Variants in EFR3B observed in about 807,000 individuals in gnomAD.
The protein encoded by EFR3B is protein EFR3 homolog B.
In EFR3B, 64 loss-of-function variants were observed where a neutral mutation model predicts 104.7. The observed-to-expected ratio is 0.61, with a 90% CI of 0.50 to 0.75. The LOEUF is 0.75. Among genes scored for constraint, EFR3B ranks in the 30% least tolerant of loss-of-function variants. The pLI is 0.00. For synonymous variants in EFR3B, 385 were observed against 417.9 expected (o/e 0.92, Z 0.96); for missense variants, 750 against 1,078.5 (o/e 0.70, Z 4.27).
At chr2:25,120,627 A>G (rs1408559395) in intron 4 of EFR3B, among the ~76,000 whole-genome samples, 1 of 149,076 alleles carries the variant, frequency 6.7e-6, no homozygotes, top group Non-Finnish European at 1.5e-5. Flanking sequence ...CTGGCGACAG[A>G]GCAAGACTCC....
chr2:25,046,768 G>T (rs1667732356), intron 1 of EFR3B, among the ~76,000 whole-genome samples: 1 of 152,120 alleles, frequency 6.6e-6, no homozygotes, highest in African/African-American at 2.4e-5. Context: ...CTCCCAAAGT[G>T]CTGGGATTAC....
intron 16 of EFR3B, among the ~76,000 whole-genome samples, chr2:25,141,005 C>T (rs1351912004): frequency 7.0e-6 from 1 of 142,674 alleles, no homozygotes; most frequent in Non-Finnish European, 1.5e-5. Flanking sequence ...TGTGCCATTG[C>T]ACTCTAGCCT....
rs182698817 is a variant in EFR3B at position 25,072,193 on chromosome 2, T to C, written c.8-19132T>C. ...CTCTGCGTGTTGGCAGTTGTGGACGTGGGTGGCTGTTACTCAGTGCTTGGG... is the reference window on the plus strand; with the variant it reads ...CTCTGCGTGTTGGCAGTTGTGGACGCGGGTGGCTGTTACTCAGTGCTTGGG... On this transcript the variant is annotated intron_variant, in intron 1 of 22. Transcript: ENST00000403714. Among the ~76,000 whole-genome samples the C allele has an allele frequency of 1.2e-4, 18 of 152,342 alleles. No individual in the cohort carries two copies. The East Asian group carries it at 2.9e-3, about 24-fold the overall frequency.
At chr2:25,052,840 A>G (rs907267355) in intron 1 of EFR3B, among the ~76,000 whole-genome samples, 14 of 152,068 alleles carry the variant, frequency 9.2e-5, no homozygotes, top group Non-Finnish European at 1.9e-4. Flanking sequence ...TTTTATGGGG[A>G]TAAATTTGTC....
At chr2:25,128,487 C>T (rs756440780) in intron 6 of EFR3B, among the ~76,000 whole-genome samples, 155 bp downstream of exon 6, 8 of 152,146 alleles carry the variant, frequency 5.3e-5, no homozygotes, top group Non-Finnish European at 7.4e-5. Flanking sequence ...AGCTGGCTCC[C>T]TAGAAGCCAT....
intron 2 of EFR3B, among the ~76,000 whole-genome samples, chr2:25,092,799 C>A (rs1010104179): frequency 1.3e-5 from 2 of 152,198 alleles, no homozygotes; most frequent in African/African-American, 4.8e-5. Flanking sequence ...CTCAGCCTCC[C>A]AAAGTGCTGG....
rs1671080075 is a variant in EFR3B, at chr2:25,153,755, C to T, written c.2342C>T (p.Thr781Ile). 1 of 1,551,712 alleles carries T rather than the reference C, an allele frequency of 6.4e-7. No homozygotes were observed. The highest frequency in any genetic ancestry group is 2.4e-5 in the East Asian group (1 of 40,924). Residue 781 changes from threonine to isoleucine, a missense_variant, in exon 22 of 23, where the codon ACC (threonine) becomes ATC (isoleucine). Transcript: ENST00000403714. Reference sequence around the variant, plus strand: ...AAACTCAATCAGATCTTTGAAATCACCATCCGGTAAGTGACAACCCTGGGC... The same window carrying T: ...AAACTCAATCAGATCTTTGAAATCATCATCCGGTAAGTGACAACCCTGGGC... Reference protein sequence around the residue: ...QSKLNQIFEITIRPPPSPSGT... With the variant: ...QSKLNQIFEIIIRPPPSPSGT...
intron 4 of EFR3B, among the ~76,000 whole-genome samples, chr2:25,111,740 GA>G (rs1264210280): frequency 1.3e-5 from 2 of 152,218 alleles, no homozygotes; most frequent in Non-Finnish European, 2.9e-5. Flanking sequence ...GATGGAAGCA[GA>G]GGGACAGAGA....
At chr2:25,075,319 T>G (rs1668605393) in intron 1 of EFR3B, among the ~76,000 whole-genome samples, 1 of 152,188 alleles carries the variant, frequency 6.6e-6, no homozygotes, top group African/African-American at 2.4e-5. Context: ...TGAGCCCTGG[T>G]TTTCTCTTCT....
intron 3 of EFR3B, among the ~76,000 whole-genome samples, chr2:25,102,591 G>A (rs532726260): frequency 1.8e-4 from 28 of 151,954 alleles, no homozygotes; most frequent in Non-Finnish European, 2.6e-4. Flanking sequence ...GGGGAAAACC[G>A]CCCCCATGAT....
At chr2:25,121,620 A>C in intron 4 of EFR3B, 53 bp from the exon 5 acceptor site, 1 of 1,548,286 alleles carries the variant, frequency 6.5e-7, no homozygotes, top group Non-Finnish European at 8.7e-7. Context: ...CCCAGCAGTG[A>C]GAAGCATGGT....
chr2:25,076,173 G>A (rs1184755396), intron 1 of EFR3B, among the ~76,000 whole-genome samples: 4 of 152,150 alleles, frequency 2.6e-5, no homozygotes, highest in African/African-American at 9.7e-5. Flanking sequence ...GATTACAGGT[G>A]TGAGCCACCA....
At position 25,130,195 on chromosome 2, in the gene EFR3B, A is replaced by G. The variant is rs1573224851; in HGVS notation, c.770+86A>G. On this transcript the variant is annotated intron_variant, in intron 7 of 22. Coordinates refer to ENST00000403714, the MANE Select transcript of EFR3B (RefSeq NM_014971.2). The surrounding 1 kb of genome is among the most constrained non-coding windows in gnomAD (Gnocchi z 4.6). Reference sequence around the variant, plus strand: ...TGGCATCTCCTGGCTGGCTGGGGGGAAGGGGATATTACAGTTGTGGTGCCG... The same window carrying G: ...TGGCATCTCCTGGCTGGCTGGGGGGGAGGGGATATTACAGTTGTGGTGCCG... 2.0e-6 allele frequency: 3 copies of G among 1,529,398 alleles called. No homozygotes were observed. Among genetic ancestry groups the G allele is most frequent in the Middle Eastern group, 1.7e-4 (1 of 5,910 alleles). 94.7% of individuals were successfully genotyped at this position (1,529,398 alleles called of 1,614,324 possible). A position where few individuals can be genotyped will look rare whatever the true frequency, so the allele number is the denominator to read the frequency against.
intron 1 of EFR3B, among the ~76,000 whole-genome samples, chr2:25,070,684 C>A (rs745367564): frequency 6.6e-6 from 1 of 152,108 alleles, no homozygotes; most frequent in Non-Finnish European, 1.5e-5. Context: ...CTCCAGCAGC[C>A]AGGAGTGGGA....
chr2:25,106,981 A>C (rs1318674180), intron 4 of EFR3B, among the ~76,000 whole-genome samples: 2 of 152,234 alleles, frequency 1.3e-5, no homozygotes, highest in East Asian at 3.8e-4. Flanking sequence ...AAGGAAGAGA[A>C]AGCAAAATGA....
At chr2:25,107,914 G>T (rs955375600) in intron 4 of EFR3B, among the ~76,000 whole-genome samples, 2 of 151,548 alleles carry the variant, frequency 1.3e-5, no homozygotes, top group Non-Finnish European at 2.9e-5. Flanking sequence ...TGCCATCTTG[G>T]CTCGCTGCAA....
Position 25,156,215 on chromosome 2 carries a change from A to G in EFR3B, c.*1875A>G, listed in dbSNP as rs1671163478. ...AAGGGGCTATTTGACCCTCATTCCC[A>G]TAGTTTTGGCACTTCAAATGAAGCT... is the stretch of plus-strand genomic sequence containing the variant. On this transcript the variant is annotated 3_prime_UTR_variant, in exon 23 of 23. Transcript: ENST00000403714. 6.6e-6 allele frequency: 1 copy of G among 151,104 alleles called. No homozygotes were observed. Among genetic ancestry groups the G allele is most frequent in the African/African-American group, 2.4e-5 (1 of 40,994 alleles). 9.4% of individuals were successfully genotyped at this position (151,104 alleles called of 1,614,324 possible).
intron 6 of EFR3B, among the ~76,000 whole-genome samples, chr2:25,128,960 CAAAAAAAAAAAAAAAAAAAA>C (rs1170505822): frequency 1.4e-3 from 37 of 26,688 alleles, no homozygotes; most frequent in East Asian, 4.8e-3. Context: ...GACTCCGTCT[CAAAAAAAAAAAAAAAAAAAA>C]AAAAAAAAAA....
chr2:25,080,903 G>T lies in EFR3B; in HGVS notation c.8-10422G>T. 2.6e-6 allele frequency: 2 copies of T among 780,172 alleles called. 1 individual carries two copies. Among genetic ancestry groups the T allele is most frequent in the Non-Finnish European group, 4.7e-6 (2 of 425,376 alleles). 48.3% of individuals were successfully genotyped at this position (780,172 alleles called of 1,614,324 possible). A position where few individuals can be genotyped will look rare whatever the true frequency, so the allele number is the denominator to read the frequency against. The stretch of plus-strand genomic sequence containing the variant: ...AAAGCTTGACCATGTTTTCTGCTGC[G>T]GAATCCACAATATTAGGTGGAAATC... On this transcript the variant is annotated intron_variant, in intron 1 of 22. Transcript: ENST00000403714.
Sources: allele counts gnomAD v4.1 joint callset (sites outside exome capture counted in the v4.1 genomes callset), GRCh38; gene constraint gnomAD v4.1.1; non-coding constraint Gnocchi (gnomAD v3.1); transcripts MANE v1.5; gene names NCBI Gene and HGNC (gene_info 2026-07-23, HGNC 2026-07-21).